The following C1GALT1 variants were observed in gnomAD, a reference collection of about 807,000 sequenced individuals.
The protein encoded by C1GALT1 is core 1 synthase, glycoprotein-N-acetylgalactosamine 3-beta-galactosyltransferase 1.
Under a neutral mutation model 31.0 loss-of-function variants are expected in C1GALT1, and 11 were observed. The ratio of observed to expected loss-of-function variants is 0.36; its 90% CI spans 0.22 to 0.59. The LOEUF is 0.59. C1GALT1 is among the 20% of genes least tolerant of loss of function. C1GALT1 has a pLI of 0.79. For synonymous variants in C1GALT1, 175 were observed against 143.6 expected (o/e 1.22, Z -1.56); for missense variants, 424 against 425.2 (o/e 1.00, Z 0.03).
At chr7:7,165,064 C>A (rs181274251) in intron 2 of C1GALT1, among the ~76,000 whole-genome samples, 2 of 152,238 alleles carry the variant, frequency 1.3e-5, no homozygotes. Context: ...AGAGAAGGAC[C>A]AAACAGTGCC....
chr7:7,226,453 G>A (rs1030030002), intron 1 of C1GALT1, among the ~76,000 whole-genome samples: 1 of 152,096 alleles, frequency 6.6e-6, no homozygotes, highest in African/African-American at 2.4e-5. Flanking sequence ...GAAGACGTGC[G>A]CTCATGGTAA....
At position 7,243,722 on chromosome 7, in the gene C1GALT1, C is replaced by T. The variant is rs777507166; in HGVS notation, c.1087C>T (p.Pro363Ser). ...NEDTKVKLGN[P>S] The stretch of plus-strand genomic sequence containing the variant: ...AGATACAAAAGTGAAGTTAGGAAAT[C>T]CTTGAAAGAAAATCATGAATGAACA... The change falls in exon 4 of 4, where the codon CCT becomes TCT. Residue 363 changes from proline to serine, a missense_variant. Around this residue, in one of 3 missense-constraint regions of C1GALT1, gnomAD observed 191 missense variants for 188.8 expected, o/e 1.01. Transcript: ENST00000436587. The T allele has an allele frequency of 6.3e-7, 1 of 1,594,326 alleles. No individual in the cohort carries two copies. Among genetic ancestry groups the T allele is most frequent in the Non-Finnish European group, 8.5e-7 (1 of 1,171,048 alleles).
chr7:7,220,357 A>G (rs1050110184), intron 1 of C1GALT1, among the ~76,000 whole-genome samples: 1 of 152,160 alleles, frequency 6.6e-6, no homozygotes, highest in African/African-American at 2.4e-5. Context: ...TTAATTTGTA[A>G]TTCAAATATA....
chr7:7,223,960 A>C (rs1782632617), intron 1 of C1GALT1, among the ~76,000 whole-genome samples: 8 of 151,840 alleles, frequency 5.3e-5, no homozygotes. Context: ...TTTTTCTGAG[A>C]GTTATTTGTC....
intron 1 of C1GALT1, among the ~76,000 whole-genome samples, chr7:7,230,684 A>G (rs1161572804): frequency 1.5e-5 from 1 of 64,844 alleles, no homozygotes; most frequent in South Asian, 4.3e-4. Flanking sequence ...ATTTTTTTGT[A>G]TTTGAATTTA....
chr7:7,178,977 G>A (rs926716303), upstream of C1GALT1, among the ~76,000 whole-genome samples: 16 of 152,216 alleles, frequency 1.1e-4, no homozygotes, highest in African/African-American at 3.6e-4. Context: ...CAGTCAAGAT[G>A]TTGACCATGA....
intron 2 of C1GALT1, chr7:7,157,539 T>C (rs1437369611): frequency 2.0e-5 from 3 of 152,204 alleles, no homozygotes; most frequent in Non-Finnish European, 4.4e-5. Context: ...GAAGTCAAGA[T>C]GGGTTTATTT....
intron 1 of C1GALT1, among the ~76,000 whole-genome samples, chr7:7,186,409 G>A (rs147442740): frequency 6.6e-6 from 1 of 152,098 alleles, no homozygotes; most frequent in Non-Finnish European, 1.5e-5. Flanking sequence ...TCTGAAACAC[G>A]GGTTCTAAAA....
chr7:7,166,248 G>C (rs909571265), intron 2 of C1GALT1, among the ~76,000 whole-genome samples: 6 of 152,150 alleles, frequency 3.9e-5, no homozygotes, highest in Non-Finnish European at 7.4e-5. Flanking sequence ...GAAACAATTG[G>C]ATTAAATGTC....
At chr7:7,168,938 C>T (rs1362420808) in intron 2 of C1GALT1, among the ~76,000 whole-genome samples, 1 of 152,194 alleles carries the variant, frequency 6.6e-6, no homozygotes, top group African/African-American at 2.4e-5. Flanking sequence ...TAATTGCATA[C>T]ATGCTATTGT....
rs138248696 is a variant in C1GALT1 at position 7,172,129 on chromosome 7, T to G, written c.-18+14703T>G. On this transcript the variant is annotated intron_variant, in intron 2 of 3. Coordinates refer to the C1GALT1 transcript ENST00000429911. ...CTTGAAAGACTTCCTTTGCATTTCTTGTTGGAAGGAAACGTTGAACTCAAC... is the reference window on the plus strand; with the variant it reads ...CTTGAAAGACTTCCTTTGCATTTCTGGTTGGAAGGAAACGTTGAACTCAAC... Among the ~76,000 whole-genome samples the G allele has an allele frequency of 2.7e-3, 409 of 152,320 alleles. 2 individuals carry two copies. The highest frequency in any genetic ancestry group is 9.2e-3 in the African/African-American group (382 of 41,578).
At chr7:7,215,721 T>C (rs1289277601) in intron 1 of C1GALT1, among the ~76,000 whole-genome samples, 2 of 151,282 alleles carry the variant, frequency 1.3e-5, no homozygotes, top group Non-Finnish European at 2.9e-5. Flanking sequence ...AGGAGACATA[T>C]TGCTTATCTC....
At position 7,199,532 on chromosome 7, in the gene C1GALT1, G is replaced by T. The variant is rs551192427; in HGVS notation, c.-18+16712G>T. ...ATATTCTGTTGATTTGGGATGGAGA[G>T]TTCTGTAGATGTCTATTAGGTCTGC... On this transcript the variant is annotated intron_variant, in intron 1 of 3. Transcript: ENST00000436587. 2.4e-4 allele frequency among the ~76,000 whole-genome samples: 36 copies of T among 152,356 alleles called. 2 individuals are homozygous for T. In the South Asian group the frequency reaches 7.2e-3, roughly 31 times the overall value.
intron 1 of C1GALT1, among the ~76,000 whole-genome samples, chr7:7,204,357 G>A (rs778766156): frequency 5.3e-5 from 8 of 151,692 alleles, no homozygotes; most frequent in Non-Finnish European, 1.0e-4. Flanking sequence ...GTTGACATTC[G>A]GTTGTTTATA....
chr7:7,225,575 A>T (rs1215546012), intron 1 of C1GALT1, among the ~76,000 whole-genome samples: 1 of 152,224 alleles, frequency 6.6e-6, no homozygotes, highest in Non-Finnish European at 1.5e-5. Flanking sequence ...TGTTTGTTGA[A>T]AAGCATATGG....
intron 2 of C1GALT1, among the ~76,000 whole-genome samples, chr7:7,159,693 G>A (rs772414955): frequency 7.9e-5 from 12 of 151,978 alleles, no homozygotes; most frequent in Non-Finnish European, 1.5e-4. Flanking sequence ...ATTTTTACAC[G>A]TAGATTTTCT....
rs528070179 is a variant in C1GALT1, at chr7:7,238,037, C to G, written c.221-218C>G. ...ACGAATTTAGATTATAATGTCAACT[C>G]TTACTAGCTCCAGTGATGTCCTAGA... On this transcript the variant is annotated intron_variant, in intron 2 of 3. Transcript: ENST00000436587. This position sits in a 1 kb window ranked among gnomAD's most constrained non-coding sequence, Gnocchi z 5.2. 1.3e-3 allele frequency among the ~76,000 whole-genome samples: 199 copies of G among 152,288 alleles called. 1 individual carries two copies. The highest frequency in any genetic ancestry group is 4.6e-3 in the African/African-American group (193 of 41,574).
At chr7:7,224,873 A>G (rs1562586900) in intron 1 of C1GALT1, among the ~76,000 whole-genome samples, 2 of 152,022 alleles carry the variant, frequency 1.3e-5, no homozygotes, top group Non-Finnish European at 2.9e-5. Flanking sequence ...ATTTAAGTGT[A>G]TTAAGTGTAT....
intron 2 of C1GALT1, 123 bp downstream of exon 2, chr7:7,234,662 G>A (rs1168761111): frequency 8.5e-6 from 6 of 707,524 alleles, no homozygotes; most frequent in Non-Finnish European, 1.4e-5. Flanking sequence ...ATAATTCTTG[G>A]TTTGCCTCAA....
Sources: allele counts gnomAD v4.1 joint callset (sites outside exome capture counted in the v4.1 genomes callset), GRCh38; gene constraint gnomAD v4.1.1; regional missense constraint gnomAD v4.1.1; non-coding constraint Gnocchi (gnomAD v3.1); transcripts MANE v1.5; gene names NCBI Gene and HGNC (gene_info 2026-07-23, HGNC 2026-07-21).